DDX60L: variants seen among roughly 807,000 people sequenced by gnomAD.
DDX60L encodes the protein DExD/H-box 60 like.
DDX60L carries 191 observed loss-of-function variants against 211.6 expected under a neutral mutation model. That is an observed-to-expected ratio of 0.90 (90% CI 0.80 to 1.02). DDX60L has a LOEUF of 1.02. Ranked by LOEUF, DDX60L falls within the 50% of genes least tolerant of loss-of-function variation. The pLI is 0.00. For missense variants in DDX60L, 2,007 were observed against 1,984.1 expected (o/e 1.01, Z -0.22); for synonymous variants, 706 against 694.1 (o/e 1.02, Z -0.27).
At chr4:168,458,083 G>A in intron 5 of DDX60L, 75 bp from the exon 6 acceptor site, 1 of 872,316 alleles carries the variant, frequency 1.1e-6, no homozygotes, top group Non-Finnish European at 1.7e-6. Context: ...GACACTTGAG[G>A]CAAATCAAAA....
chr4:168,427,888 A>C (rs1316135455), intron 13 of DDX60L, among the ~76,000 whole-genome samples: 1 of 152,120 alleles, frequency 6.6e-6, no homozygotes, highest in Admixed American at 6.5e-5. Context: ...TTTAATTCCC[A>C]TTTTGCTTCT....
chr4:168,432,242 T>TA (rs1554011263), intron 12 of DDX60L, among the ~76,000 whole-genome samples: 1 of 147,880 alleles, frequency 6.8e-6, no homozygotes, highest in African/African-American at 2.5e-5. Context: ...TATATATATA[T>TA]TGTGTGTGTG....
At chr4:168,432,597 T>C (rs776035089) in intron 11 of DDX60L, 27 bp from the exon 12 acceptor site, 1 of 1,383,832 alleles carries the variant, frequency 7.2e-7, no homozygotes, top group Non-Finnish European at 9.7e-7. Context: ...ATAATTTTTT[T>C]AAATTTTAAG....
chr4:168,452,349 A>G (rs1340222784), intron 8 of DDX60L, among the ~76,000 whole-genome samples: 2 of 152,260 alleles, frequency 1.3e-5, no homozygotes, highest in East Asian at 3.8e-4. Context: ...TTATGATACA[A>G]AAGCTTCAAA....
chr4:168,362,738 T>C (rs996241729), intron 36 of DDX60L, among the ~76,000 whole-genome samples: 1 of 152,200 alleles, frequency 6.6e-6, no homozygotes, highest in Non-Finnish European at 1.5e-5. Flanking sequence ...AAATAATTTC[T>C]GAATTTGAAG....
At chr4:168,463,830 C>A (rs907306983) in intron 4 of DDX60L, among the ~76,000 whole-genome samples, 10 of 152,094 alleles carry the variant, frequency 6.6e-5, no homozygotes, top group African/African-American at 2.4e-4. Flanking sequence ...GGAATGGGCT[C>A]ATAATATACT....
At chr4:168,419,992 C>T (rs1285344067) in intron 18 of DDX60L, among the ~76,000 whole-genome samples, 1 of 152,198 alleles carries the variant, frequency 6.6e-6, no homozygotes, top group Non-Finnish European at 1.5e-5. Flanking sequence ...GTCAAATCTA[C>T]TTGACTCCCT....
chr4:168,379,141 G>A (rs1742475922), intron 32 of DDX60L, among the ~76,000 whole-genome samples: 1 of 152,086 alleles, frequency 6.6e-6, no homozygotes, highest in Non-Finnish European at 1.5e-5. Context: ...TTCTTTATCA[G>A]TTAAGTAATA....
At chr4:168,436,654 CACAATT>C (rs1753075674) in intron 10 of DDX60L, among the ~76,000 whole-genome samples, 2 of 152,144 alleles carry the variant, frequency 1.3e-5, no homozygotes, top group Non-Finnish European at 2.9e-5. Flanking sequence ...AGGCATAATT[CACAATT>C]CAGGATTCCA....
At chr4:168,358,942 C>A (rs1738638436) in intron 37 of DDX60L, among the ~76,000 whole-genome samples, 1 of 152,172 alleles carries the variant, frequency 6.6e-6, no homozygotes, top group African/African-American at 2.4e-5. Context: ...CTCATGAAAG[C>A]CATATGGACT....
chr4:168,439,533 T>G (rs1290673295), intron 10 of DDX60L, among the ~76,000 whole-genome samples: 2 of 152,168 alleles, frequency 1.3e-5, no homozygotes, highest in East Asian at 3.8e-4. Flanking sequence ...ATAAATCTCT[T>G]AACATGTGTA....
In DDX60L at chr4:168,422,432, G is replaced by T. The variant is rs1328725668; in HGVS notation, c.2244+92C>A. 4 of 1,251,450 alleles carry T rather than the reference G, an allele frequency of 3.2e-6. No homozygotes were observed. The African/African-American group carries it at 4.5e-5, about 14-fold the overall frequency. The allele number at this position is 1,251,450 out of a possible 1,614,324, so 77.5% of individuals were successfully genotyped here. The stretch of plus-strand genomic sequence containing the variant: ...GAGGAAAGACATTAAACAAGATTAA[G>T]AAGTTTATGCAAAATTTGACATGTA... On this transcript the variant is annotated intron_variant, in intron 16 of 37. Coordinates refer to ENST00000682922, the MANE Select transcript of DDX60L (RefSeq NM_001012967.3).
In DDX60L at chr4:168,420,325, G is replaced by C; in HGVS notation, c.2450C>G (p.Pro817Arg). The C allele has an allele frequency of 6.2e-7, 1 of 1,611,990 alleles. No individual in the cohort carries two copies. The highest frequency in any genetic ancestry group is 2.2e-5 in the East Asian group (1 of 44,848). Residue 817 changes from proline to arginine, a missense_variant, in exon 18 of 38, where the codon CCT becomes CGT. Physicochemically the swap from Pro to Arg is moderately radical, Grantham distance 103. Transcript: ENST00000682922. ...TVENRFTKTL[P>R]AGRTLCGAFT... Reference sequence around the variant, plus strand: ...AGCACCGCATAGAGTTCTGCCGGCAGGCAACGTTTTAGTAAAACGATTCTC... The same window carrying C: ...AGCACCGCATAGAGTTCTGCCGGCACGCAACGTTTTAGTAAAACGATTCTC...
At chr4:168,363,352 A>G (rs1188749170) in intron 36 of DDX60L, among the ~76,000 whole-genome samples, 1 of 152,244 alleles carries the variant, frequency 6.6e-6, no homozygotes, top group Non-Finnish European at 1.5e-5. Flanking sequence ...TTACTATCAC[A>G]AAAATATTTG....
Position 168,432,548 on chromosome 4 carries a change from G to A in DDX60L, c.1423C>T (p.Leu475=). 1.3e-6 allele frequency: 2 copies of A among 1,581,628 alleles called. No individual in the cohort carries two copies. The highest frequency in any genetic ancestry group is 1.7e-6 in the Non-Finnish European group (2 of 1,161,512). The change falls in exon 12 of 38, where the codon CTG becomes TTG. Residue 475 remains leucine, a synonymous_variant. Transcript: ENST00000682922. ...LKSDDPVVPS[L]FKQKTSDELL... ...TCATCAGATGTCTTTTGTTTAAACAGTGAAGGAACAACCGGATCATCACTG... is the reference window on the plus strand; with the variant it reads ...TCATCAGATGTCTTTTGTTTAAACAATGAAGGAACAACCGGATCATCACTG...
At chr4:168,439,359 C>T (rs975951230) in intron 10 of DDX60L, among the ~76,000 whole-genome samples, 1 of 152,052 alleles carries the variant, frequency 6.6e-6, no homozygotes, top group African/African-American at 2.4e-5. Context: ...CTCAAAGTCC[C>T]TGAGTGCAGA....
intron 37 of DDX60L, among the ~76,000 whole-genome samples, chr4:168,360,000 T>C (rs541127658): frequency 9.2e-5 from 14 of 152,362 alleles, no homozygotes; most frequent in Non-Finnish European, 2.1e-4. Context: ...TTAAGTATAA[T>C]TAATCTACTT....
Position 168,441,839 on chromosome 4 carries a change from A to T in DDX60L, c.1139-347T>A, listed in dbSNP as rs536049866. 3.2e-4 allele frequency among the ~76,000 whole-genome samples: 48 copies of T among 152,296 alleles called. No homozygotes were observed. In the East Asian group the frequency reaches 4.1e-3, roughly 13 times the overall value. ...CCCTGCCCAAAAAATTAACAAAGGA[A>T]CATCACCATTTTAATCATAGTCCTT... On this transcript the variant is annotated intron_variant, in intron 9 of 37. Coordinates refer to ENST00000682922, the MANE Select transcript of DDX60L (RefSeq NM_001012967.3).
chr4:168,385,587 C>A (rs1743725167), intron 29 of DDX60L, among the ~76,000 whole-genome samples: 2 of 152,082 alleles, frequency 1.3e-5, no homozygotes, highest in African/African-American at 4.8e-5. Context: ...GAAGAGGAGG[C>A]AGTCTTGGGG....
Sources: allele counts gnomAD v4.1 joint callset (sites outside exome capture counted in the v4.1 genomes callset), GRCh38; gene constraint gnomAD v4.1.1; transcripts MANE v1.5; gene names NCBI Gene and HGNC (gene_info 2026-07-23, HGNC 2026-07-21).